The following STPG2 variants were observed in gnomAD, a reference collection of about 807,000 sequenced individuals.
STPG2 encodes sperm tail PG-rich repeat containing 2, also known as sperm-tail PG-rich repeat-containing protein 2.
In STPG2, 56 loss-of-function variants were observed where a neutral mutation model predicts 54.2. The ratio of observed to expected loss-of-function variants is 1.03; its 90% CI spans 0.83 to 1.29. The LOEUF is 1.29. STPG2 is among the 50% of genes most tolerant of loss of function. The pLI is 0.00. For missense variants in STPG2, 596 were observed against 544.9 expected, an observed-to-expected ratio of 1.09 and a Z score of -0.93; for synonymous variants, 200 against 181.8, an observed-to-expected ratio of 1.10 and a Z score of -0.81.
In STPG2 at chr4:97,941,896, C is replaced by T. The variant is rs1354301988; in HGVS notation, c.1044+2001G>A. On this transcript the variant is annotated intron_variant, in intron 8 of 10. Transcript: ENST00000295268. ...CTTTCTATGTGACTAAACTATTCTG[C>T]TTCTTGGGTAACCAGAGTCCCACTG... Among the ~76,000 whole-genome samples the T allele has an allele frequency of 2.0e-5, 3 of 151,904 alleles. 1 individual carries two copies. Among genetic ancestry groups the T allele is most frequent in the African/African-American group, 7.2e-5 (3 of 41,404 alleles).
intron 5 of STPG2, among the ~76,000 whole-genome samples, chr4:98,078,930 A>G (rs1738255266): frequency 6.6e-6 from 1 of 152,178 alleles, no homozygotes; most frequent in African/African-American, 2.4e-5. Context: ...ATCTTGAAAT[A>G]TACTGTATTT....
intron 10 of STPG2, among the ~76,000 whole-genome samples, chr4:97,568,883 CTTTTGTT>C (rs899611886): frequency 6.2e-5 from 9 of 145,660 alleles, no homozygotes; most frequent in African/African-American, 2.3e-4. Flanking sequence ...TCTTTTCTTT[CTTTTGTT>C]TTTTGTTTTG....
At chr4:97,845,192 T>G (rs1034087169) in intron 8 of STPG2, among the ~76,000 whole-genome samples, 1 of 151,948 alleles carries the variant, frequency 6.6e-6, no homozygotes, top group Admixed American at 6.6e-5. Context: ...TAAGATAAGA[T>G]AGCAACTCTG....
chr4:97,832,275 C>T (rs747716018), intron 9 of STPG2, among the ~76,000 whole-genome samples: 11 of 152,128 alleles, frequency 7.2e-5, no homozygotes, highest in Admixed American at 1.3e-4. Flanking sequence ...AAAAAAAGCA[C>T]ATAATTAGCT....
chr4:97,711,597 T>C (rs1424310765), intron 10 of STPG2, among the ~76,000 whole-genome samples: 2 of 152,168 alleles, frequency 1.3e-5, no homozygotes, highest in Non-Finnish European at 2.9e-5. Context: ...CTCATTTTCA[T>C]TTGTTTTATT....
intron 10 of STPG2, among the ~76,000 whole-genome samples, chr4:97,662,898 A>G (rs1376738887): frequency 6.6e-6 from 1 of 152,130 alleles, no homozygotes; most frequent in Non-Finnish European, 1.5e-5. Flanking sequence ...CAATATATCC[A>G]TGTAACAAAC....
At chr4:97,966,439 G>A (rs1734102393) in intron 7 of STPG2, among the ~76,000 whole-genome samples, 1 of 152,154 alleles carries the variant, frequency 6.6e-6, no homozygotes, top group South Asian at 2.1e-4. Context: ...AACCAAGCTG[G>A]AAAACACTCT....
intron 7 of STPG2, among the ~76,000 whole-genome samples, chr4:97,968,480 C>CA (rs1050676020): frequency 6.6e-5 from 10 of 151,868 alleles, no homozygotes; most frequent in African/African-American, 1.7e-4. Flanking sequence ...AGAGACACAA[C>CA]AAAAAAAGAG....
chr4:98,089,487 A>T (rs770530128), intron 5 of STPG2, among the ~76,000 whole-genome samples: 1 of 151,290 alleles, frequency 6.6e-6, no homozygotes, highest in Non-Finnish European at 1.5e-5. Flanking sequence ...TATCTTTGCA[A>T]TTGCGAACTG....
chr4:98,071,791 C>A (rs1738012254), intron 5 of STPG2, among the ~76,000 whole-genome samples: 1 of 152,086 alleles, frequency 6.6e-6, no homozygotes, highest in African/African-American at 2.4e-5. Context: ...ACGTAGTCAA[C>A]AAACATATGA....
At chr4:97,557,567 A>T (rs893172612), downstream of STPG2, among the ~76,000 whole-genome samples, 1 of 152,118 alleles carries the variant, frequency 6.6e-6, no homozygotes, top group African/African-American at 2.4e-5. Flanking sequence ...TGAAAAACTG[A>T]CTCATCTGGC....
chr4:97,893,121 T>C (rs1730833564), intron 8 of STPG2: 1 of 152,116 alleles, frequency 6.6e-6, no homozygotes, highest in African/African-American at 2.4e-5. Context: ...GGAAACTAAC[T>C]ACATTCCTCA....
intron 5 of STPG2, among the ~76,000 whole-genome samples, chr4:98,016,418 T>C (rs566487533): frequency 2.6e-5 from 4 of 152,296 alleles, no homozygotes; most frequent in African/African-American, 7.2e-5. Context: ...TTCTGTTTGA[T>C]TGTATCCCAC....
chr4:97,482,345 A>T (rs1488414209), intron 4 of STPG2, among the ~76,000 whole-genome samples: 1 of 151,632 alleles, frequency 6.6e-6, no homozygotes, highest in African/African-American at 2.4e-5. Flanking sequence ...TAGTCAAAGA[A>T]ATAGATAGCA....
At chr4:97,459,987 T>G (rs992558043) in intron 4 of STPG2, among the ~76,000 whole-genome samples, 7 of 152,200 alleles carry the variant, frequency 4.6e-5, no homozygotes, top group African/African-American at 1.7e-4. Flanking sequence ...GAAGCAACAT[T>G]ATGCTTCACT....
intron 8 of STPG2, among the ~76,000 whole-genome samples, chr4:97,904,344 A>C (rs1441466912): frequency 2.6e-5 from 4 of 152,192 alleles, no homozygotes; most frequent in African/African-American, 4.8e-5. Flanking sequence ...GGGCAGACTG[A>C]CACCTCACAC....
In STPG2 at chr4:97,853,208, C is replaced by T. The variant is rs376295814; in HGVS notation, c.1045-12276G>A. ...GTCTAGATCTCCTGGCCTCGTGATC[C>T]GCCCACCTTGGCCTCCCAAAGTGCT... is the stretch of plus-strand genomic sequence containing the variant. On this transcript the variant is annotated intron_variant, in intron 8 of 10. Coordinates refer to ENST00000295268, the MANE Select transcript of STPG2 (RefSeq NM_174952.3). 3.6e-3 allele frequency among the ~76,000 whole-genome samples: 541 copies of T among 151,912 alleles called. 5 individuals carry two copies. Among genetic ancestry groups the T allele is most frequent in the African/African-American group, 0.012 (515 of 41,454 alleles).
chr4:97,962,116 CA>C (rs1449654548), intron 7 of STPG2, among the ~76,000 whole-genome samples: 1 of 152,080 alleles, frequency 6.6e-6, no homozygotes, highest in Non-Finnish European at 1.5e-5. Context: ...AATGGAAAAC[CA>C]AACATCTTAT....
In STPG2 at chr4:97,712,760, A is replaced by G. The variant is rs17026871; in HGVS notation, c.1259T>C (p.Val420Ala). 0.013 allele frequency: 20,552 copies of G among 1,609,364 alleles called. 680 individuals carry two copies. The highest frequency in any genetic ancestry group is 0.096 in the African/African-American group (7,164 of 74,838). Residue 420 changes from valine to alanine, a missense_variant, in exon 10 of 11, where the codon GTG becomes GCG. Physicochemically the swap from Val to Ala is moderately conservative, Grantham distance 64. Coordinates refer to ENST00000295268, the MANE Select transcript of STPG2 (RefSeq NM_174952.3). Reference protein sequence around the residue: ...LRKSCPIPLFVKASKRFEESK... With the variant: ...LRKSCPIPLFAKASKRFEESK... Reference sequence around the variant, plus strand: ...CTCTTCAAAGCGCTTTGATGCTTTCACAAATAAGGGTATGGGGCAAGATTT... The same window carrying G: ...CTCTTCAAAGCGCTTTGATGCTTTCGCAAATAAGGGTATGGGGCAAGATTT...
Sources: allele counts gnomAD v4.1 joint callset (sites outside exome capture counted in the v4.1 genomes callset), GRCh38; gene constraint gnomAD v4.1.1; transcripts MANE v1.5; gene names NCBI Gene and HGNC (gene_info 2026-07-23, HGNC 2026-07-21).